EPHB2: variants seen among roughly 807,000 people sequenced by gnomAD.
EPHB2 encodes the protein ephrin type-B receptor 2.
In EPHB2, 18 loss-of-function variants were observed where a neutral mutation model predicts 96.4. The ratio of observed to expected loss-of-function variants is 0.19; its 90% CI spans 0.13 to 0.28. EPHB2 has a LOEUF of 0.28. Among genes scored for constraint, EPHB2 ranks in the 10% least tolerant of loss-of-function variants. The probability of loss-of-function intolerance (pLI) is 1.00; values close to 1 mark genes in which losing one functional copy is unlikely to be tolerated. For synonymous variants in EPHB2, 506 were observed against 534.1 expected (o/e 0.95, Z 0.72); for missense variants, 989 against 1,355.4 (o/e 0.73, Z 4.25).
At chr1:22,783,936 C>T (rs577395522) in intron 2 of EPHB2, among the ~76,000 whole-genome samples, 2 of 152,166 alleles carry the variant, frequency 1.3e-5, no homozygotes, top group African/African-American at 4.8e-5. Flanking sequence ...TCCATCAGAC[C>T]GAGAGTTCCC....
chr1:22,919,993 C>T lies in EPHB2; in HGVS notation c.*6423C>T, dbSNP rs1376548119. On this transcript the variant is annotated 3_prime_UTR_variant, in exon 16 of 16. Coordinates refer to ENST00000374630, the MANE Select transcript of EPHB2 (RefSeq NM_017449.5). ...TTTTAAAAGCACAAAAAAAAAAGAG[C>T]AAGAAAGAGAGAAAGAGATGGGGAG... The T allele has an allele frequency of 6.6e-6, 1 of 151,688 alleles. No individual in the cohort carries two copies. Among genetic ancestry groups the T allele is most frequent in the African/African-American group, 2.4e-5 (1 of 41,246 alleles). The allele number at this position is 151,688 out of a possible 1,614,324, so 9.4% of individuals were successfully genotyped here.
intron 1 of EPHB2, among the ~76,000 whole-genome samples, chr1:22,778,121 G>C (rs552482149): frequency 3.5e-4 from 53 of 152,230 alleles, no homozygotes; most frequent in African/African-American, 1.1e-3. Flanking sequence ...TGCCTCCTGG[G>C]TTCAAGCAAT....
At chr1:22,766,445 G>A (rs1644308625) in intron 1 of EPHB2, among the ~76,000 whole-genome samples, 2 of 152,222 alleles carry the variant, frequency 1.3e-5, no homozygotes, top group Non-Finnish European at 2.9e-5. Flanking sequence ...TCTCAGTCGT[G>A]TTGGCCTCTA....
intron 1 of EPHB2, among the ~76,000 whole-genome samples, chr1:22,716,823 A>AG (rs2148332581): frequency 6.6e-6 from 1 of 152,334 alleles, no homozygotes; most frequent in South Asian, 2.1e-4. Flanking sequence ...TGGGCAAGGC[A>AG]GGGGACCCAT....
intron 3 of EPHB2, among the ~76,000 whole-genome samples, chr1:22,800,072 C>G (rs2148445761): frequency 6.6e-6 from 1 of 152,352 alleles, no homozygotes; most frequent in Non-Finnish European, 1.5e-5. Flanking sequence ...CCCTGAGCTG[C>G]CCTCCCCCAC....
chr1:22,805,430 T>G lies in EPHB2; in HGVS notation c.811+20354T>G, dbSNP rs566144590. Among the ~76,000 whole-genome samples the G allele has an allele frequency of 4.6e-5, 7 of 152,150 alleles. No individual in the cohort carries two copies. In the East Asian group the frequency reaches 1.2e-3, roughly 25 times the overall value. On this transcript the variant is annotated intron_variant, in intron 3 of 15. Coordinates refer to ENST00000374630, the MANE Select transcript of EPHB2 (RefSeq NM_017449.5). ...CTGTGGTACTCCCCAAGGTGAACAT[T>G]CCAGACCTGCCACTCCCCTGTGGCC... is the stretch of plus-strand genomic sequence containing the variant.
chr1:22,780,538 A>G, intron 1 of EPHB2, among the ~76,000 whole-genome samples: 1 of 152,180 alleles, frequency 6.6e-6, no homozygotes, highest in Non-Finnish European at 1.5e-5. Flanking sequence ...GAGTGTCCTG[A>G]CAAGATGTGT....
intron 7 of EPHB2, among the ~76,000 whole-genome samples, chr1:22,894,383 A>AG (rs1639487264): frequency 6.6e-6 from 1 of 152,100 alleles, no homozygotes; most frequent in Non-Finnish European, 1.5e-5. Context: ...GGATCACCTG[A>AG]GGTCAGGAGT....
chr1:22,764,903 G>A (rs1644286259), intron 1 of EPHB2, among the ~76,000 whole-genome samples: 2 of 152,188 alleles, frequency 1.3e-5, no homozygotes, highest in African/African-American at 4.8e-5. Flanking sequence ...AGAACTGCTT[G>A]ATGGGGTTTC....
intron 1 of EPHB2, among the ~76,000 whole-genome samples, chr1:22,755,564 G>A (rs1644136334): frequency 6.6e-6 from 1 of 152,156 alleles, no homozygotes; most frequent in African/African-American, 2.4e-5. Context: ...ACAGAGAGGG[G>A]AGCCATCTCA....
chr1:22,714,110 G>A (rs114359505), intron 1 of EPHB2, among the ~76,000 whole-genome samples: 1 of 152,172 alleles, frequency 6.6e-6, no homozygotes, highest in Non-Finnish European at 1.5e-5. Context: ...CTCTCTGGCT[G>A]ACAGGGTGCT....
intron 1 of EPHB2, among the ~76,000 whole-genome samples, 189 bp downstream of exon 1, chr1:22,711,232 C>T (rs1643130216): frequency 6.8e-6 from 1 of 146,874 alleles, no homozygotes; most frequent in Non-Finnish European, 1.5e-5. Context: ...CGGGGAGCGG[C>T]GGGCGCTGAT....
chr1:22,852,676 G>A (rs1417034347), intron 3 of EPHB2, among the ~76,000 whole-genome samples: 1 of 152,238 alleles, frequency 6.6e-6, no homozygotes, highest in Non-Finnish European at 1.5e-5. Context: ...GGGGTTCAGT[G>A]TCTGGCTCCC....
In EPHB2 at chr1:22,906,287, C is replaced by T. The variant is rs1056335104; in HGVS notation, c.1888+178C>T. Among the ~76,000 whole-genome samples, 1 of 152,142 alleles carries T rather than the reference C, an allele frequency of 6.6e-6. No homozygotes were observed. The highest frequency in any genetic ancestry group is 1.5e-5 in the Non-Finnish European group (1 of 68,026). On this transcript the variant is annotated intron_variant, in intron 10 of 15. Transcript: ENST00000374630. The surrounding 1 kb of genome is among the most constrained non-coding windows in gnomAD (Gnocchi z 4.8). Reference sequence around the variant, plus strand: ...GGCCCTCAAAGGTCATCCAGTAAAACCACCTCACTGACAAAAGAGGAAACT... The same window carrying T: ...GGCCCTCAAAGGTCATCCAGTAAAATCACCTCACTGACAAAAGAGGAAACT...
rs1313817627 is a variant in EPHB2, at chr1:22,914,217, AG to A, written c.*650del. ...GACACTGTTTCTCCTGTTGGCTCACAGGGCTGAAAGGGGCTTTTGTCCTCCT... is the reference window on the plus strand; with the variant it reads ...GACACTGTTTCTCCTGTTGGCTCACAGGCTGAAAGGGGCTTTTGTCCTCCT... On this transcript the variant is annotated 3_prime_UTR_variant, in exon 16 of 16. Coordinates refer to ENST00000374630, the MANE Select transcript of EPHB2 (RefSeq NM_017449.5). 2 of 217,278 alleles carry A rather than the reference AG, an allele frequency of 9.2e-6. No individual in the cohort carries two copies. Among genetic ancestry groups the A allele is most frequent in the South Asian group, 1.9e-4 (2 of 10,770 alleles). 13.5% of individuals were successfully genotyped at this position (217,278 alleles called of 1,614,324 possible).
intron 3 of EPHB2, among the ~76,000 whole-genome samples, chr1:22,844,950 C>T (rs1016695503): frequency 3.9e-5 from 6 of 152,228 alleles, no homozygotes; most frequent in African/African-American, 1.4e-4. Context: ...TGCCCACACC[C>T]GGATTTGTGT....
At chr1:22,880,524 GC>G (rs1232986281) in intron 5 of EPHB2, among the ~76,000 whole-genome samples, 34 of 152,236 alleles carry the variant, frequency 2.2e-4, no homozygotes, top group Middle Eastern at 3.2e-3. Flanking sequence ...AAAATCTCGG[GC>G]CCAGAGAAGC....
intron 3 of EPHB2, among the ~76,000 whole-genome samples, chr1:22,843,222 A>G (rs774560199): frequency 5.9e-5 from 9 of 152,144 alleles, no homozygotes; most frequent in Non-Finnish European, 1.0e-4. Flanking sequence ...GAGTGTCCCC[A>G]TTTTACACCT....
intron 15 of EPHB2, 102 bp downstream of exon 15, chr1:22,912,701 C>A: frequency 1.3e-6 from 2 of 1,564,384 alleles, no homozygotes; most frequent in Non-Finnish European, 8.7e-7. Context: ...GATCATGTCC[C>A]AATAGGGAAG....
Sources: gnomAD v4.1 joint callset for allele counts (sites outside exome capture counted in the v4.1 genomes callset) on GRCh38, gnomAD v4.1.1 for gene constraint, Gnocchi (gnomAD v3.1) non-coding constraint, MANE v1.5 for transcripts, NCBI Gene and HGNC (gene_info 2026-07-23, HGNC 2026-07-21) for gene names.